The following TBL1Y variants were observed in gnomAD, a reference collection of about 807,000 sequenced individuals.
TBL1Y encodes the protein transducin beta like 1 Y-linked, also known as F-box-like/WD repeat-containing protein TBL1Y.
A neutral mutation model predicts 12.0 loss-of-function variants in TBL1Y; 15 were observed. That is an observed-to-expected ratio of 1.25 (90% confidence interval 0.83 to 1.92). The LOEUF is 1.92. TBL1Y is among the 40% of genes most tolerant of loss of function. The probability of loss-of-function intolerance (pLI) is 0.00; values close to 1 mark genes in which losing one functional copy is unlikely to be tolerated. For synonymous variants in TBL1Y, 53 were observed against 42.6 expected, an observed-to-expected ratio of 1.24 and a Z score of -0.95; for missense variants, 148 against 116.7, an observed-to-expected ratio of 1.27 and a Z score of -1.24.
At chrY:7,054,696 T>C in intron 7 of TBL1Y, among the ~76,000 whole-genome samples, 1 of 34,268 alleles carries the variant, frequency 2.9e-5, no homozygotes, top group Non-Finnish European at 7.3e-5. Context: ...TTGCTACTCC[T>C]GATCAGGCTA....
intron 6 of TBL1Y, among the ~76,000 whole-genome samples, chrY:7,032,998 G>A: frequency 3.0e-5 from 1 of 33,670 alleles, no homozygotes; most frequent in Non-Finnish European, 7.3e-5. Context: ...AGAACTGATA[G>A]AAAGAGAGAC....
chrY:6,941,769 G>A (rs2011953396), intron 2 of TBL1Y, among the ~76,000 whole-genome samples: 1 of 32,880 alleles, frequency 3.0e-5, no homozygotes, highest in African/African-American at 1.2e-4. Flanking sequence ...ATTGTGGGTT[G>A]GGCAGTTGGT....
chrY:7,038,830 G>T (rs995781443), intron 6 of TBL1Y, among the ~76,000 whole-genome samples: 1 of 33,297 alleles, frequency 3.0e-5, no homozygotes, highest in Non-Finnish European at 7.4e-5. Context: ...TTATTCTCCT[G>T]CCCCTTAACT....
intron 4 of TBL1Y, among the ~76,000 whole-genome samples, chrY:7,004,162 GA>G (rs2012470509): frequency 6.0e-5 from 2 of 33,559 alleles, no homozygotes. Flanking sequence ...GCTGGCTTGA[GA>G]ATTTCTAAAT....
chrY:7,023,425 T>C, intron 5 of TBL1Y, among the ~76,000 whole-genome samples: 1 of 33,359 alleles, frequency 3.0e-5, no homozygotes, highest in Non-Finnish European at 7.4e-5. Context: ...TTGAGGTTCT[T>C]AGGCAGGAAG....
chrY:7,056,924 C>T (rs918343548), intron 7 of TBL1Y, among the ~76,000 whole-genome samples: 17 of 33,659 alleles, frequency 5.1e-4, no homozygotes, highest in African/African-American at 1.2e-3. Flanking sequence ...AGTGCACACC[C>T]GAGGCAGGGG....
intron 7 of TBL1Y, among the ~76,000 whole-genome samples, chrY:7,045,083 A>C (rs1350122374): frequency 1.2e-4 from 4 of 32,921 alleles, no homozygotes; most frequent in Non-Finnish European, 3.0e-4. Context: ...GATTCCTGGG[A>C]TCTTCAAGTT....
At chrY:6,923,229 G>T (rs2011795553) in intron 2 of TBL1Y, among the ~76,000 whole-genome samples, 1 of 33,558 alleles carries the variant, frequency 3.0e-5, no homozygotes, top group African/African-American at 1.2e-4. Flanking sequence ...ACCATGCCTG[G>T]CTAATTTTTG....
At chrY:7,005,978 T>G in intron 4 of TBL1Y, among the ~76,000 whole-genome samples, 1 of 33,279 alleles carries the variant, frequency 3.0e-5, no homozygotes, top group Non-Finnish European at 7.4e-5. Flanking sequence ...TGTGACTTGT[T>G]AAAAGTTAAA....
chrY:6,998,683 C>A, intron 4 of TBL1Y, among the ~76,000 whole-genome samples: 1 of 32,876 alleles, frequency 3.0e-5, no homozygotes, highest in African/African-American at 1.2e-4. Context: ...TGCCTCCAAT[C>A]AAATCCATAC....
At chrY:6,958,933 G>A (rs756108361) in intron 2 of TBL1Y, among the ~76,000 whole-genome samples, 10 of 33,692 alleles carry the variant, frequency 3.0e-4, no homozygotes, top group East Asian at 2.4e-3. Flanking sequence ...TCTCAACTGC[G>A]AGAGGCTTTC....
intron 6 of TBL1Y, among the ~76,000 whole-genome samples, chrY:7,035,721 T>G: frequency 3.0e-5 from 1 of 33,154 alleles, no homozygotes; most frequent in African/African-American, 1.2e-4. Flanking sequence ...CACCATATGT[T>G]CTCACTCCTA....
chrY:7,087,193 A>G, intron 16 of TBL1Y, 74 bp from the exon 17 acceptor site: 8 of 76,508 alleles, frequency 1.0e-4, no homozygotes, highest in Non-Finnish European at 1.8e-4. Context: ...TAATATATAT[A>G]TGTAAAGAAA....
chrY:7,051,292 A>G, intron 7 of TBL1Y, among the ~76,000 whole-genome samples: 1 of 33,641 alleles, frequency 3.0e-5, no homozygotes, highest in South Asian at 6.8e-4. Flanking sequence ...ACCTGAAGTC[A>G]GGAGTTCTAG....
chrY:6,937,711 TGTTCACAAAA>T (rs2124102327), intron 2 of TBL1Y, among the ~76,000 whole-genome samples: 1 of 33,852 alleles, frequency 3.0e-5, no homozygotes, highest in Admixed American at 2.7e-4. Flanking sequence ...AATGGAACAT[TGTTCACAAAA>T]TTGTTTATAG....
intron 17 of TBL1Y, 146 bp downstream of exon 17, chrY:7,087,578 C>T: frequency 6.7e-6 from 1 of 148,375 alleles, no homozygotes; most frequent in Non-Finnish European, 1.2e-5. Context: ...GTCCATCTTG[C>T]ACCCCATGTG....
intron 7 of TBL1Y, among the ~76,000 whole-genome samples, chrY:7,056,925 G>A (rs775486321): frequency 1.2e-4 from 4 of 33,854 alleles, no homozygotes; most frequent in Non-Finnish European, 2.9e-4. Flanking sequence ...GTGCACACCC[G>A]AGGCAGGGGA....
intron 6 of TBL1Y, among the ~76,000 whole-genome samples, chrY:7,031,447 T>C (rs747039673): frequency 3.0e-5 from 1 of 33,126 alleles, no homozygotes; most frequent in African/African-American, 1.2e-4. Context: ...GTGGTTCTTG[T>C]CACCTCCTGT....
At chrY:6,994,600 A>T (rs2012397946) in intron 3 of TBL1Y, among the ~76,000 whole-genome samples, 2 of 34,277 alleles carry the variant, frequency 5.8e-5, no homozygotes, top group Non-Finnish European at 1.5e-4. Context: ...CTTTTAAAAG[A>T]TCTGTAAATG....
Sources: gnomAD v4.1 joint callset for allele counts (sites outside exome capture counted in the v4.1 genomes callset) on GRCh38, gnomAD v4.1.1 for gene constraint, MANE v1.5 for transcripts, NCBI Gene and HGNC (gene_info 2026-07-23, HGNC 2026-07-21) for gene names.